The following PFKFB2 variants were observed in gnomAD, a reference collection of about 807,000 sequenced individuals.
PFKFB2 encodes 6-phosphofructo-2-kinase/fructose-2,6-bisphosphatase 2.
In PFKFB2, 53 loss-of-function variants were observed where a neutral mutation model predicts 68.0. The ratio of observed to expected loss-of-function variants is 0.78; its 90% CI spans 0.63 to 0.98. The LOEUF (loss-of-function observed/expected upper bound fraction) is 0.98. PFKFB2 is among the 50% of genes least tolerant of loss of function. The pLI, the probability that PFKFB2 is intolerant of heterozygous loss-of-function variation, is 0.00. For synonymous variants in PFKFB2, 222 were observed against 227.6 expected (o/e 0.98, Z 0.22); for missense variants, 451 against 642.0 (o/e 0.70, Z 3.22).
At chr1:207,054,829 G>C in intron 2 of PFKFB2, 27 bp downstream of exon 2, 4 of 1,448,902 alleles carry the variant, frequency 2.8e-6, no homozygotes, top group Non-Finnish European at 2.9e-6. Flanking sequence ...AGGAGGGACT[G>C]CTCTCTCTCA....
At chr1:207,040,781 C>G (rs562577704) in intron 1 of PFKFB2, among the ~76,000 whole-genome samples, 25 of 152,230 alleles carry the variant, frequency 1.6e-4, no homozygotes, top group Non-Finnish European at 2.6e-4. Context: ...ATACACTTTG[C>G]CAAATACATG....
chr1:207,074,367 C>T lies in PFKFB2; in HGVS notation c.*1996C>T. 3.0e-6 allele frequency: 3 copies of T among 985,206 alleles called. No homozygotes were observed. Among genetic ancestry groups the T allele is most frequent in the Non-Finnish European group, 3.6e-6 (3 of 829,768 alleles). 61.0% of individuals were successfully genotyped at this position (985,206 alleles called of 1,614,324 possible). ...TTAGAGGGTTATTCTAGGTTCTAGT[C>T]CCATCTTTAACCCTTTACATTGCTG... is the stretch of plus-strand genomic sequence containing the variant. On this transcript the variant is annotated 3_prime_UTR_variant, in exon 15 of 15. Coordinates refer to ENST00000367080, the MANE Select transcript of PFKFB2 (RefSeq NM_006212.2).
Position 207,063,544 on chromosome 1 carries a change from A to T in PFKFB2, c.450+123A>T. 1 of 773,472 alleles carries T rather than the reference A, an allele frequency of 1.3e-6. No individual in the cohort carries two copies. Among genetic ancestry groups the T allele is most frequent in the South Asian group, 1.5e-5 (1 of 67,000 alleles). The allele number at this position is 773,472 out of a possible 1,614,324, so 47.9% of individuals were successfully genotyped here. A position where few individuals can be genotyped will look rare whatever the true frequency, so the allele number is the denominator to read the frequency against. On this transcript the variant is annotated intron_variant, in intron 6 of 14. Coordinates refer to ENST00000367080, the MANE Select transcript of PFKFB2 (RefSeq NM_006212.2). The surrounding 1 kb of genome is among the most constrained non-coding windows in gnomAD (Gnocchi z 4.1). The stretch of plus-strand genomic sequence containing the variant: ...GGGATATCTGAATCTCTTCTCTCAG[A>T]GCATTCCCCCAGTCCTTGAGTGTTT...
chr1:207,069,403 G>C (rs907015399), intron 10 of PFKFB2, 21 bp from the exon 11 acceptor site: 1 of 1,555,702 alleles, frequency 6.4e-7, no homozygotes, highest in South Asian at 1.1e-5. Context: ...CTTCAAGCCA[G>C]CTTCAAGTGG....
chr1:207,071,910 C>T (rs1433889189), intron 14 of PFKFB2, among the ~76,000 whole-genome samples: 1 of 152,150 alleles, frequency 6.6e-6, no homozygotes, highest in Non-Finnish European at 1.5e-5. Flanking sequence ...AGGTGGGGGT[C>T]AAGAGGTGTA....
chr1:207,044,892 C>T (rs1013864219), intron 2 of PFKFB2: 1 of 152,404 alleles, frequency 6.6e-6, no homozygotes, highest in Non-Finnish European at 1.5e-5. Flanking sequence ...AATCAGCACC[C>T]TACAATTCAA....
chr1:207,075,998 A>T lies in PFKFB2; in HGVS notation c.*3627A>T, dbSNP rs1683611364. On this transcript the variant is annotated 3_prime_UTR_variant, in exon 15 of 15. Coordinates refer to ENST00000367080, the MANE Select transcript of PFKFB2 (RefSeq NM_006212.2). ...ATAAGAAAAGCTTCTAAAAACTTGC[A>T]TTGTGCTAGGGATCTGCCCTATATC... 1 of 985,320 alleles carries T rather than the reference A, an allele frequency of 1.0e-6. No homozygotes were observed. 61.0% of individuals were successfully genotyped at this position (985,320 alleles called of 1,614,324 possible).
At chr1:207,043,826 T>G (rs1682529680) in intron 2 of PFKFB2, 1 of 152,646 alleles carries the variant, frequency 6.6e-6, no homozygotes, top group South Asian at 2.1e-4. Context: ...ATATCTGCCC[T>G]GATCCCAAAA....
chr1:207,037,970 A>C (rs1336728215), intron 1 of PFKFB2, among the ~76,000 whole-genome samples: 1 of 151,292 alleles, frequency 6.6e-6, no homozygotes, highest in East Asian at 1.9e-4. Context: ...GCTAACTATG[A>C]TAATGCTCAC....
chr1:207,055,732 A>G (rs1260356920), intron 2 of PFKFB2, among the ~76,000 whole-genome samples: 2 of 152,068 alleles, frequency 1.3e-5, no homozygotes, highest in Non-Finnish European at 2.9e-5. Context: ...ACCAGGAATT[A>G]TCTCATGTTC....
intron 4 of PFKFB2, among the ~76,000 whole-genome samples, 171 bp downstream of exon 4, chr1:207,062,887 G>A (rs1232569023): frequency 6.6e-6 from 1 of 152,198 alleles, no homozygotes; most frequent in East Asian, 1.9e-4. Context: ...ACAGGGCTCA[G>A]GGTGATTGAT....
chr1:207,062,548 C>T, intron 3 of PFKFB2, 72 bp from the exon 4 acceptor site: 2 of 1,576,704 alleles, frequency 1.3e-6, no homozygotes, highest in Middle Eastern at 3.4e-4. Flanking sequence ...CGACATTAGG[C>T]CAAGAAACAA....
intron 2 of PFKFB2, chr1:207,044,367 C>A (rs1410581886): frequency 6.6e-6 from 1 of 152,482 alleles, no homozygotes; most frequent in Non-Finnish European, 1.5e-5. Flanking sequence ...CTGAATGGCA[C>A]CAATGTGACT....
At position 207,075,295 on chromosome 1, in the gene PFKFB2, A is replaced by T. The variant is rs964622404; in HGVS notation, c.*2924A>T. 6.7e-5 allele frequency: 66 copies of T among 985,308 alleles called. No homozygotes were observed. The highest frequency in any genetic ancestry group is 7.8e-5 in the Non-Finnish European group (65 of 829,896). 61.0% of individuals were successfully genotyped at this position (985,308 alleles called of 1,614,324 possible). On this transcript the variant is annotated 3_prime_UTR_variant, in exon 15 of 15. Transcript: ENST00000367080. ...CCAGAAGAGGAGCTGAGGTGGTCTT[A>T]TCCTCAGATAGGACATGAGAAATTG... is the stretch of plus-strand genomic sequence containing the variant.
chr1:207,060,978 CTATATATCTA>C (rs1476397871), intron 2 of PFKFB2: 1 of 137,944 alleles, frequency 7.2e-6, no homozygotes, highest in South Asian at 2.3e-4. Flanking sequence ...ATCTATATAT[CTATATATCTA>C]TATATATCTA....
chr1:207,067,467 TA>T (rs758193905), intron 8 of PFKFB2, 31 bp from the exon 9 acceptor site: 3 of 1,497,402 alleles, frequency 2.0e-6, no homozygotes, highest in African/African-American at 2.8e-5. Flanking sequence ...TCTTCTTACC[TA>T]GGGAATTTTT....
chr1:207,046,294 T>C (rs144526589), intron 2 of PFKFB2: 7 of 152,188 alleles, frequency 4.6e-5, no homozygotes, highest in African/African-American at 1.7e-4. Context: ...CTGAAAGTTG[T>C]AAGTCCATAG....
chr1:207,069,918 G>C (rs1683415613), intron 11 of PFKFB2, among the ~76,000 whole-genome samples: 1 of 152,114 alleles, frequency 6.6e-6, no homozygotes, highest in Non-Finnish European at 1.5e-5. Context: ...ATACTCTAGG[G>C]ATGTGTGAGG....
chr1:207,070,864 T>G lies in PFKFB2; in HGVS notation c.1223-324T>G. 3.2e-6 allele frequency: 1 copy of G among 311,578 alleles called. No individual in the cohort carries two copies. Among genetic ancestry groups the G allele is most frequent in the Non-Finnish European group, 6.0e-6 (1 of 165,318 alleles). The allele number at this position is 311,578 out of a possible 1,614,324, so 19.3% of individuals were successfully genotyped here. ...TGCATTGTGGATGCTGAGCTCAGCA[T>G]CCTGAGCTGCTTGGAAGCTGTTGTG... is the stretch of plus-strand genomic sequence containing the variant. On this transcript the variant is annotated intron_variant, in intron 12 of 14. Coordinates refer to ENST00000367080, the MANE Select transcript of PFKFB2 (RefSeq NM_006212.2). This position sits in a 1 kb window ranked among gnomAD's most constrained non-coding sequence, Gnocchi z 4.2.
Sources: allele counts gnomAD v4.1 joint callset (sites outside exome capture counted in the v4.1 genomes callset), GRCh38; gene constraint gnomAD v4.1.1; non-coding constraint Gnocchi (gnomAD v3.1); transcripts MANE v1.5; gene names NCBI Gene and HGNC (gene_info 2026-07-23, HGNC 2026-07-21).